Variants in MEX3D observed in about 807,000 individuals in gnomAD.
MEX3D encodes RNA-binding protein MEX3D.
A neutral mutation model predicts 6.3 loss-of-function variants in MEX3D; 4 were observed. The observed-to-expected ratio is 0.64, with a 90% CI of 0.31 to 1.46. The LOEUF is 1.46. MEX3D is among the 40% of genes most tolerant of loss of function. MEX3D has a pLI of 0.07. For synonymous variants in MEX3D, 626 were observed against 494.1 expected (o/e 1.27, Z -3.54); for missense variants, 1,038 against 994.4 (o/e 1.04, Z -0.59).
chr19:1,564,231 T>G (rs986542955), intron 1 of MEX3D, among the ~76,000 whole-genome samples: 7 of 151,954 alleles, frequency 4.6e-5, no homozygotes, highest in Non-Finnish European at 8.8e-5. Context: ...CAGTAGACCC[T>G]CAATAAAGAT....
intron 1 of MEX3D, among the ~76,000 whole-genome samples, chr19:1,558,484 A>C (rs1251076125): frequency 6.6e-6 from 1 of 151,982 alleles, no homozygotes; most frequent in African/African-American, 2.4e-5. Context: ...AGCCCCCGGA[A>C]ACTGAAGGCG....
At position 1,558,729 on chromosome 19, in the gene MEX3D, G is replaced by A. The variant is rs1055907281; in HGVS notation, c.596-1806C>T. Among the ~76,000 whole-genome samples, 4 of 152,220 alleles carry A rather than the reference G, an allele frequency of 2.6e-5. No homozygotes were observed. The South Asian group carries it at 8.3e-4, about 32-fold the overall frequency. Reference sequence around the variant, plus strand: ...GGCTACCAAGACCCTGGCCTAAGGGGAGCCGAGGTCTCGGCCCGACTGCAG... The same window carrying A: ...GGCTACCAAGACCCTGGCCTAAGGGAAGCCGAGGTCTCGGCCCGACTGCAG... On this transcript the variant is annotated intron_variant, in intron 1 of 1. Transcript: ENST00000402693.
intron 1 of MEX3D, among the ~76,000 whole-genome samples, chr19:1,560,952 C>A (rs969607069): frequency 5.3e-5 from 8 of 152,214 alleles, no homozygotes; most frequent in African/African-American, 2.4e-5. Context: ...GGACAGGAAG[C>A]CTGAAGGGCG....
rs1024027564 is a variant in MEX3D at position 1,568,189 on chromosome 19, G to A, written c.-131C>T. The A allele has an allele frequency of 5.6e-5, 37 of 658,386 alleles. No individual in the cohort carries two copies. The highest frequency in any genetic ancestry group is 1.5e-4 in the East Asian group (1 of 6,866). 40.8% of individuals were successfully genotyped at this position (658,386 alleles called of 1,614,324 possible). ...CGGCGGGGGCGGGCACGGGGGGCCG[G>A]GCGGGCGGGGCGGCGGCGGCGCGGG... is the stretch of plus-strand genomic sequence containing the variant. On this transcript the variant is annotated 5_prime_UTR_variant, in exon 1 of 2. Coordinates refer to ENST00000402693, the MANE Select transcript of MEX3D (RefSeq NM_203304.4).
At chr19:1,561,195 G>C (rs948580915) in intron 1 of MEX3D, among the ~76,000 whole-genome samples, 2 of 152,186 alleles carry the variant, frequency 1.3e-5, no homozygotes, top group Non-Finnish European at 2.9e-5. Context: ...CCAGGGTCCT[G>C]GCTGCAATGA....
intron 1 of MEX3D, among the ~76,000 whole-genome samples, chr19:1,559,944 C>A (rs1914677043): frequency 6.6e-6 from 1 of 152,198 alleles, no homozygotes; most frequent in Non-Finnish European, 1.5e-5. Context: ...TGCACCCAGT[C>A]CCCTCCATTC....
intron 1 of MEX3D, among the ~76,000 whole-genome samples, chr19:1,558,811 C>T (rs1274605356): frequency 2.0e-5 from 3 of 152,208 alleles, no homozygotes; most frequent in African/African-American, 7.2e-5. Flanking sequence ...CCTGAGGGGC[C>T]TGCTGTGGCT....
At chr19:1,560,512 G>A (rs1192549857) in intron 1 of MEX3D, among the ~76,000 whole-genome samples, 1 of 152,226 alleles carries the variant, frequency 6.6e-6, no homozygotes, top group Non-Finnish European at 1.5e-5. Flanking sequence ...ACGTGGGAGA[G>A]GCTGCCCCGA....
rs566898769 is a variant in MEX3D at position 1,567,113 on chromosome 19, C to T, written c.595+351G>A. Among the ~76,000 whole-genome samples the T allele has an allele frequency of 8.5e-5, 13 of 152,222 alleles. No individual in the cohort carries two copies. The South Asian group carries it at 2.7e-3, about 32-fold the overall frequency. Reference sequence around the variant, plus strand: ...CCTGTGCTGGGTGTGGGGCGCCCCCCGCCCGGCCGGAGCCCCGGGCCCTCG... The same window carrying T: ...CCTGTGCTGGGTGTGGGGCGCCCCCTGCCCGGCCGGAGCCCCGGGCCCTCG... On this transcript the variant is annotated intron_variant, in intron 1 of 1. Coordinates refer to ENST00000402693, the MANE Select transcript of MEX3D (RefSeq NM_203304.4). The surrounding 1 kb of genome is among the most constrained non-coding windows in gnomAD (Gnocchi z 6.5).
Position 1,556,410 on chromosome 19 carries a change from G to A in MEX3D, c.1109C>T (p.Ala370Val). 6.4e-7 allele frequency: 1 copy of A among 1,574,384 alleles called. No homozygotes were observed. Among genetic ancestry groups the A allele is most frequent in the Non-Finnish European group, 8.6e-7 (1 of 1,167,158 alleles). ...DVCLDLLGAA[A>V]SLWAKTPNQG... ...GTTGGGGGTCTTGGCCCAGAGGCTG[G>A]CGGCCGCCCCGAGCAGGTCCAGGCA... The change falls in exon 2 of 2, where the codon GCC (alanine) becomes GTC (valine). Residue 370 changes from alanine to valine, a missense_variant. Ala to Val is a moderately conservative substitution (Grantham distance 64, BLOSUM62 0). This residue lies in a region of MEX3D where 581 missense variants were observed against 516.2 expected (regional missense o/e 1.13). Coordinates refer to ENST00000402693, the MANE Select transcript of MEX3D (RefSeq NM_203304.4). The surrounding 1 kb of genome is among the most constrained non-coding windows in gnomAD (Gnocchi z 7.5).
In MEX3D at chr19:1,555,510, C is replaced by A; in HGVS notation, c.*53G>T. ...CCACCCCGGGTCCCGCCCCGTCTCC[C>A]GCGCCCACCCCTGGCCCCCGCAGAT... On this transcript the variant is annotated 3_prime_UTR_variant, in exon 2 of 2. Coordinates refer to ENST00000402693, the MANE Select transcript of MEX3D (RefSeq NM_203304.4). 1.3e-6 allele frequency: 2 copies of A among 1,520,266 alleles called. No individual in the cohort carries two copies. The highest frequency in any genetic ancestry group is 1.2e-5 in the South Asian group (1 of 81,404). 94.2% of individuals were successfully genotyped at this position (1,520,266 alleles called of 1,614,324 possible). A position where few individuals can be genotyped will look rare whatever the true frequency, so the allele number is the denominator to read the frequency against.
chr19:1,557,413 G>A (rs113320060), intron 1 of MEX3D, among the ~76,000 whole-genome samples: 129 of 144,576 alleles, frequency 8.9e-4, no homozygotes, highest in African/African-American at 3.2e-3. Context: ...AAAAATACAA[G>A]CAATCATCCG....
Position 1,556,977 on chromosome 19 carries a change from A to C in MEX3D, c.596-54T>G. 96 of 1,521,242 alleles carry C rather than the reference A, an allele frequency of 6.3e-5. No individual in the cohort carries two copies. The highest frequency in any genetic ancestry group is 7.6e-5 in the Non-Finnish European group (87 of 1,139,192). The allele number at this position is 1,521,242 out of a possible 1,614,324, so 94.2% of individuals were successfully genotyped here. ...TGACCCAGAGCCCCCTGCGCAGCTC[A>C]GCCCCGCTGGGCATGCAGGCTGCAG... is the stretch of plus-strand genomic sequence containing the variant. On this transcript the variant is annotated intron_variant, in intron 1 of 1. Coordinates refer to ENST00000402693, the MANE Select transcript of MEX3D (RefSeq NM_203304.4). This position sits in a 1 kb window ranked among gnomAD's most constrained non-coding sequence, Gnocchi z 7.5.
At position 1,556,768 on chromosome 19, in the gene MEX3D, G is replaced by A. The variant is rs777933894; in HGVS notation, c.751C>T (p.Arg251Cys). ...LSAAEHFSII[R>C]ATRSKAGGLP... ...CCCCCGGCCTTGCTGCGCGTGGCGC[G>A]GATGATGGAGAAGTGTTCGGCCGCC... The change falls in exon 2 of 2, where the codon CGC becomes TGC. Residue 251 changes from arginine (R) to cysteine (C), a missense_variant. Transcript: ENST00000402693. The surrounding 1 kb of genome is among the most constrained non-coding windows in gnomAD (Gnocchi z 7.5). The A allele has an allele frequency of 1.2e-6, 2 of 1,612,486 alleles. No individual in the cohort carries two copies. The highest frequency in any genetic ancestry group is 1.7e-5 in the Admixed American group (1 of 59,998).
rs1914480003 is a variant in MEX3D, at chr19:1,555,172, G to A, written c.*391C>T. 4.6e-6 allele frequency: 3 copies of A among 649,594 alleles called. No individual in the cohort carries two copies. Among genetic ancestry groups the A allele is most frequent in the South Asian group, 2.1e-5 (1 of 48,200 alleles). 40.2% of individuals were successfully genotyped at this position (649,594 alleles called of 1,614,324 possible). A position where few individuals can be genotyped will look rare whatever the true frequency, so the allele number is the denominator to read the frequency against. Reference sequence around the variant, plus strand: ...GGCGAGAAAAGTCAAATCAGAAAACGGCTTCGGACGAAAGGAAAAAACGCT... The same window carrying A: ...GGCGAGAAAAGTCAAATCAGAAAACAGCTTCGGACGAAAGGAAAAAACGCT... On this transcript the variant is annotated 3_prime_UTR_variant, in exon 2 of 2. Transcript: ENST00000402693.
In MEX3D at chr19:1,567,967, C is replaced by G; in HGVS notation, c.92G>C (p.Gly31Ala). 1.0e-6 allele frequency: 1 copy of G among 978,136 alleles called. No homozygotes were observed. Among genetic ancestry groups the G allele is most frequent in the Non-Finnish European group, 1.2e-6 (1 of 826,992 alleles). 60.6% of individuals were successfully genotyped at this position (978,136 alleles called of 1,614,324 possible). A position where few individuals can be genotyped will look rare whatever the true frequency, so the allele number is the denominator to read the frequency against. The change falls in exon 1 of 2, where the codon GGA becomes GCA. Residue 31 changes from glycine (G) to alanine (A), a missense_variant. Coordinates refer to ENST00000402693, the MANE Select transcript of MEX3D (RefSeq NM_203304.4). The surrounding 1 kb of genome is among the most constrained non-coding windows in gnomAD (Gnocchi z 6.5). ...GGCGCCCTCGGGCGGGGGCGCAGGT[C>G]CGGGTCCGGGGTCCTCCCCCGCCGC... ...VGAAGEDPGP[G>A]PAPPPEGAQE...
At position 1,556,078 on chromosome 19, in the gene MEX3D, G is replaced by C; in HGVS notation, c.1441C>G (p.Pro481Ala). The C allele has an allele frequency of 7.0e-7, 1 of 1,429,672 alleles. No homozygotes were observed. Among genetic ancestry groups the C allele is most frequent in the Middle Eastern group, 2.3e-4 (1 of 4,360 alleles). The allele number at this position is 1,429,672 out of a possible 1,614,324, so 88.6% of individuals were successfully genotyped here. ...GAGCAGCCGCTGAAGGCGGGCAAGG[G>C]GGCGGCGCGCTCAAAAGGCGCCCAG... The part of the protein sequence containing the change: ...TIWAPFERAA[P>A]LPAFSGCSTV... Residue 481 changes from proline (P) to alanine (A), a missense_variant, in exon 2 of 2, where the codon CCC becomes GCC. By Grantham distance (27) the Pro-to-Ala change is conservative. Transcript: ENST00000402693. The surrounding 1 kb of genome is among the most constrained non-coding windows in gnomAD (Gnocchi z 7.5).
At position 1,556,018 on chromosome 19, in the gene MEX3D, C is replaced by T. The variant is rs565424706; in HGVS notation, c.1501G>A (p.Gly501Ser). Residue 501 changes from glycine to serine, a missense_variant, in exon 2 of 2, where the codon GGC (glycine) becomes AGC (serine). Physicochemically the swap from Gly to Ser is moderately conservative, Grantham distance 56. This residue lies in a region of MEX3D where 581 missense variants were observed against 516.2 expected (regional missense o/e 1.13). Transcript: ENST00000402693. The surrounding 1 kb of genome is among the most constrained non-coding windows in gnomAD (Gnocchi z 7.5). The stretch of plus-strand genomic sequence containing the variant: ...CCGGCCCCACTGCTGCGCCGGGCGC[C>T]GGCGGCGGGAGGTCCCGGGGCTCCG... Reference protein sequence around the residue: ...VNGAPGPPAAGARRSSGAGTP... With the variant: ...VNGAPGPPAASARRSSGAGTP... 17 of 1,242,486 alleles carry T rather than the reference C, an allele frequency of 1.4e-5. No homozygotes were observed. In the East Asian group the frequency reaches 4.7e-4, roughly 34 times the overall value. The allele number at this position is 1,242,486 out of a possible 1,614,324, so 77.0% of individuals were successfully genotyped here.
At position 1,556,657 on chromosome 19, in the gene MEX3D, C is replaced by G. The variant is rs759894956; in HGVS notation, c.862G>C (p.Val288Leu). 5 of 1,610,776 alleles carry G rather than the reference C, an allele frequency of 3.1e-6. No individual in the cohort carries two copies. Among genetic ancestry groups the G allele is most frequent in the South Asian group, 2.2e-5 (2 of 91,016 alleles). The change falls in exon 2 of 2, where the codon GTG becomes CTG. Residue 288 changes from valine to leucine, a missense_variant. Transcript: ENST00000402693. The surrounding 1 kb of genome is among the most constrained non-coding windows in gnomAD (Gnocchi z 7.5). Reference protein sequence around the residue: ...VRVPYRVVGLVVGPKGATIKR... With the variant: ...VRVPYRVVGLLVGPKGATIKR... ...ATGGTGGCGCCCTTGGGCCCCACCA[C>G]CAGCCCCACCACCCGGTAGGGCACG...
Sources: allele counts gnomAD v4.1 joint callset (sites outside exome capture counted in the v4.1 genomes callset), GRCh38; gene constraint gnomAD v4.1.1; regional missense constraint gnomAD v4.1.1; non-coding constraint Gnocchi (gnomAD v3.1); transcripts MANE v1.5; gene names NCBI Gene and HGNC (gene_info 2026-07-23, HGNC 2026-07-21).